The following INPP5D variants were observed in gnomAD, a reference collection of about 807,000 sequenced individuals.
The protein encoded by INPP5D is phosphatidylinositol 3,4,5-trisphosphate 5-phosphatase 1.
INPP5D carries 33 observed loss-of-function variants against 122.9 expected under a neutral mutation model. The ratio of observed to expected loss-of-function variants is 0.27; its 90% CI spans 0.20 to 0.36. The LOEUF is 0.36. Among genes scored for constraint, INPP5D ranks in the 10% least tolerant of loss-of-function variants. The pLI is 1.00. For synonymous variants in INPP5D, 584 were observed against 576.2 expected (o/e 1.01, Z -0.19); for missense variants, 1,053 against 1,412.7 (o/e 0.75, Z 4.08).
At chr2:233,112,265 G>A (rs1195931312) in intron 2 of INPP5D, among the ~76,000 whole-genome samples, 1 of 152,066 alleles carries the variant, frequency 6.6e-6, no homozygotes, top group Non-Finnish European at 1.5e-5. Context: ...CTTTATTTAT[G>A]TCAGTACAGA....
At chr2:233,076,670 T>C (rs1691528890) in intron 1 of INPP5D, among the ~76,000 whole-genome samples, 1 of 152,206 alleles carries the variant, frequency 6.6e-6, no homozygotes, top group Non-Finnish European at 1.5e-5. Flanking sequence ...ATCAGAGTCT[T>C]ATTCATAACT....
Position 233,206,856 on chromosome 2 carries a change from GC to G in INPP5D, c.*151del. 1.5e-6 allele frequency: 1 copy of G among 664,844 alleles called. No homozygotes were observed. The allele number at this position is 664,844 out of a possible 1,614,324, so 41.2% of individuals were successfully genotyped here. On this transcript the variant is annotated 3_prime_UTR_variant, in exon 27 of 27. Transcript: ENST00000445964. The surrounding 1 kb of genome is among the most constrained non-coding windows in gnomAD (Gnocchi z 4.0). The stretch of plus-strand genomic sequence containing the variant: ...CAGGAAAGGGCCTAGCTTCTGTGTG[GC>G]CCACAGAGTTCACTGCCTGTGAGAC...
rs1695008820 is a variant in INPP5D at position 233,189,936 on chromosome 2, T to C, written c.2445T>C (p.Tyr815=). 6.2e-7 allele frequency: 1 copy of C among 1,613,294 alleles called. No homozygotes were observed. The highest frequency in any genetic ancestry group is 8.5e-7 in the Non-Finnish European group (1 of 1,179,548). ...AGTCCTCTGACAGCGACGAATCCTATGGTAAGGGTCTGTGGGCAGGTGCCA... is the reference window on the plus strand; with the variant it reads ...AGTCCTCTGACAGCGACGAATCCTACGGTAAGGGTCTGTGGGCAGGTGCCA... ...SIKSSDSDES[Y]GEGCIALRLE... The change falls in exon 22 of 27, where the codon TAT becomes TAC. Residue 815 remains tyrosine (Y), a splice_region_variant and synonymous_variant. Coordinates refer to ENST00000445964, the MANE Select transcript of INPP5D (RefSeq NM_001017915.3). This position sits in a 1 kb window ranked among gnomAD's most constrained non-coding sequence, Gnocchi z 5.6.
At chr2:233,099,462 A>G (rs1363533087) in intron 2 of INPP5D, among the ~76,000 whole-genome samples, 4 of 152,200 alleles carry the variant, frequency 2.6e-5, no homozygotes, top group Non-Finnish European at 5.9e-5. Context: ...AACAGCACAG[A>G]CGCCTATGTC....
At chr2:233,112,024 A>T (rs1235728046) in intron 2 of INPP5D, among the ~76,000 whole-genome samples, 1 of 150,730 alleles carries the variant, frequency 6.6e-6, no homozygotes, top group Non-Finnish European at 1.5e-5. Context: ...TGATCATGCC[A>T]CTGCGCTCCA....
chr2:233,147,630 A>T (rs754689509), intron 9 of INPP5D, 36 bp downstream of exon 9: 15 of 698,148 alleles, frequency 2.1e-5, no homozygotes, highest in Admixed American at 4.0e-5. Flanking sequence ...ACTGCCCCTC[A>T]CCTGCCTGTG....
At chr2:233,192,604 G>A (rs1227671969) in intron 22 of INPP5D, among the ~76,000 whole-genome samples, 1 of 152,088 alleles carries the variant, frequency 6.6e-6, no homozygotes, top group East Asian at 1.9e-4. Flanking sequence ...TGGACTTACT[G>A]CATCCTCATT....
At position 233,170,111 on chromosome 2, in the gene INPP5D, A is replaced by T; in HGVS notation, c.1738A>T (p.Thr580Ser). 1 of 1,614,066 alleles carries T rather than the reference A, an allele frequency of 6.2e-7. No homozygotes were observed. The highest frequency in any genetic ancestry group is 2.2e-5 in the East Asian group (1 of 44,876). The change falls in exon 15 of 27, where the codon ACG becomes TCG. Residue 580 changes from threonine to serine, a missense_variant. Around this residue, in one of 6 missense-constraint regions of INPP5D, gnomAD observed 258 missense variants for 439.1 expected, o/e 0.59. Coordinates refer to ENST00000445964, the MANE Select transcript of INPP5D (RefSeq NM_001017915.3). The surrounding 1 kb of genome is among the most constrained non-coding windows in gnomAD (Gnocchi z 4.5). The stretch of plus-strand genomic sequence containing the variant: ...TCCCTTTAACATCACTCACCGCTTC[A>T]CGCACCTCTTCTGGTTTGGGGATCT... ...LSPFNITHRF[T>S]HLFWFGDLNY...
At chr2:233,086,248 G>A (rs546647680) in intron 2 of INPP5D, among the ~76,000 whole-genome samples, 61 of 149,298 alleles carry the variant, frequency 4.1e-4, no homozygotes, top group Non-Finnish European at 8.1e-4. Context: ...GCATGATCTC[G>A]GCTCACCACA....
chr2:233,147,828 T>G (rs1190980526), intron 9 of INPP5D, among the ~76,000 whole-genome samples: 1 of 152,152 alleles, frequency 6.6e-6, no homozygotes, highest in African/African-American at 2.4e-5. Flanking sequence ...TGAGGTCTTG[T>G]TGACAATTGG....
chr2:233,108,537 C>T (rs921626097), intron 2 of INPP5D, among the ~76,000 whole-genome samples: 4 of 152,182 alleles, frequency 2.6e-5, no homozygotes, highest in Admixed American at 6.5e-5. Context: ...TTTATTTAAA[C>T]GAGATGAGGT....
rs1242051223 is a variant in INPP5D at position 233,164,598 on chromosome 2, A to G, written c.1555+174A>G. 6.6e-6 allele frequency among the ~76,000 whole-genome samples: 1 copy of G among 152,010 alleles called. No individual in the cohort carries two copies. Among genetic ancestry groups the G allele is most frequent in the African/African-American group, 2.4e-5 (1 of 41,368 alleles). On this transcript the variant is annotated intron_variant, in intron 13 of 26. Transcript: ENST00000445964. This position sits in a 1 kb window ranked among gnomAD's most constrained non-coding sequence, Gnocchi z 4.3. ...TGATTGGTCTCCCTGGCTGAAACTC[A>G]CTCAGGGTCTACACCAGCAGTCCCA...
intron 5 of INPP5D, among the ~76,000 whole-genome samples, chr2:233,137,889 T>C (rs796099197): frequency 1.9e-5 from 1 of 53,254 alleles, no homozygotes; most frequent in African/African-American, 6.5e-5. Flanking sequence ...TATATATATA[T>C]ATATATATAC....
rs775392388 is a variant in INPP5D at position 233,116,875 on chromosome 2, G to A, written c.199-5232G>A. 1.5e-4 allele frequency among the ~76,000 whole-genome samples: 23 copies of A among 152,212 alleles called. No homozygotes were observed. In the East Asian group the frequency reaches 1.7e-3, roughly 11 times the overall value. Reference sequence around the variant, plus strand: ...CTCCCAAATTGCTGGGATTACAGGCGTGAGCCACCCTACCTGGTCAAGATG... The same window carrying A: ...CTCCCAAATTGCTGGGATTACAGGCATGAGCCACCCTACCTGGTCAAGATG... On this transcript the variant is annotated intron_variant, in intron 2 of 26. Coordinates refer to ENST00000445964, the MANE Select transcript of INPP5D (RefSeq NM_001017915.3).
Position 233,204,579 on chromosome 2 carries a change from G to C in INPP5D, c.3429G>C (p.Leu1143=). Residue 1143 remains leucine (L), a synonymous_variant, in exon 26 of 27, where the codon CTG becomes CTC. Transcript: ENST00000445964. ...TPPTPTPRPP[L]PVKSPAVLHL... ...CCACCCCGACGCCGCGGCCGCCGCT[G>C]CCAGTCAAGAGCCCGGCGGTGCTGC... 1.3e-6 allele frequency: 2 copies of C among 1,568,220 alleles called. No homozygotes were observed. Among genetic ancestry groups the C allele is most frequent in the Non-Finnish European group, 1.7e-6 (2 of 1,157,908 alleles).
At chr2:233,198,045 C>G (rs1384420673) in intron 24 of INPP5D, 50 bp from the exon 25 acceptor site, 2 of 1,492,678 alleles carry the variant, frequency 1.3e-6, no homozygotes, top group Non-Finnish European at 1.8e-6. Context: ...TGGTGCTGAC[C>G]CCGAGAAGGG....
intron 11 of INPP5D, 28 bp from the exon 12 acceptor site, chr2:233,163,679 C>A (rs1181260444): frequency 6.2e-7 from 1 of 1,613,070 alleles, no homozygotes; most frequent in African/African-American, 1.3e-5. Context: ...GCCTTTGACT[C>A]ACTTGGTGTT....
chr2:233,135,520 G>A (rs780268714), intron 5 of INPP5D, among the ~76,000 whole-genome samples: 1 of 151,814 alleles, frequency 6.6e-6, no homozygotes, highest in Non-Finnish European at 1.5e-5. Flanking sequence ...TAAATGACAA[G>A]AAAAGATAAA....
Position 233,177,161 on chromosome 2 carries a change from G to T in INPP5D, c.1990-104G>T. The T allele has an allele frequency of 6.8e-7, 1 of 1,471,508 alleles. No homozygotes were observed. The highest frequency in any genetic ancestry group is 2.0e-4 in the Middle Eastern group (1 of 4,936). The allele number at this position is 1,471,508 out of a possible 1,614,324, so 91.2% of individuals were successfully genotyped here. On this transcript the variant is annotated intron_variant, in intron 17 of 26. Coordinates refer to ENST00000445964, the MANE Select transcript of INPP5D (RefSeq NM_001017915.3). The surrounding 1 kb of genome is among the most constrained non-coding windows in gnomAD (Gnocchi z 4.2). ...GAAATTCTATAAAAAGCCAACAGCC[G>T]ATGAATTTGAGGATTACAGAGGCCA...
Sources: allele counts gnomAD v4.1 joint callset (sites outside exome capture counted in the v4.1 genomes callset), GRCh38; gene constraint gnomAD v4.1.1; regional missense constraint gnomAD v4.1.1; non-coding constraint Gnocchi (gnomAD v3.1); transcripts MANE v1.5; gene names NCBI Gene and HGNC (gene_info 2026-07-23, HGNC 2026-07-21).